The following MRTFA variants were observed in gnomAD, a reference collection of about 807,000 sequenced individuals.
The protein encoded by MRTFA is myocardin-related transcription factor A.
In MRTFA, 20 loss-of-function variants were observed where a neutral mutation model predicts 83.5. The observed-to-expected ratio is 0.24, with a 90% confidence interval of 0.17 to 0.35. MRTFA has a LOEUF of 0.35. Ranked by LOEUF, MRTFA falls within the 10% of genes least tolerant of loss-of-function variation. MRTFA has a pLI of 1.00. For missense variants in MRTFA, 1,200 were observed against 1,224.7 expected, an observed-to-expected ratio of 0.98 and a Z score of 0.30; for synonymous variants, 659 against 541.2, an observed-to-expected ratio of 1.22 and a Z score of -3.02.
At chr22:40,600,620 T>C (rs1040738771) in intron 1 of MRTFA, among the ~76,000 whole-genome samples, 6 of 152,158 alleles carry the variant, frequency 3.9e-5, no homozygotes, top group Non-Finnish European at 7.3e-5. Flanking sequence ...AGATGCAGAA[T>C]TCAACCGAAC....
intron 3 of MRTFA, among the ~76,000 whole-genome samples, chr22:40,525,409 G>C (rs2147266123): frequency 6.6e-6 from 1 of 152,192 alleles, no homozygotes; most frequent in East Asian, 1.9e-4. Flanking sequence ...AGCTGTCGGG[G>C]AGGTTTGCTT....
At chr22:40,609,380 C>T (rs56046523) in intron 1 of MRTFA, among the ~76,000 whole-genome samples, 1 of 150,014 alleles carries the variant, frequency 6.7e-6, no homozygotes, top group Admixed American at 6.7e-5. Flanking sequence ...ATTCAGGAAG[C>T]TCAGGCGGGA....
At chr22:40,510,885 T>C (rs955383001) in intron 3 of MRTFA, among the ~76,000 whole-genome samples, 2 of 152,118 alleles carry the variant, frequency 1.3e-5, no homozygotes, top group Admixed American at 6.5e-5. Flanking sequence ...GGAATATATG[T>C]GCTTTTTTTA....
intron 4 of MRTFA, among the ~76,000 whole-genome samples, chr22:40,442,142 G>A (rs1359618859): frequency 6.6e-6 from 1 of 152,154 alleles, no homozygotes; most frequent in African/African-American, 2.4e-5. Flanking sequence ...AGCAAGGAAT[G>A]ACAACAATTC....
At chr22:40,428,398 T>TA (rs1374108809) in intron 7 of MRTFA, among the ~76,000 whole-genome samples, 2 of 152,182 alleles carry the variant, frequency 1.3e-5, no homozygotes, top group Non-Finnish European at 2.9e-5. Flanking sequence ...AAGTATTCTG[T>TA]ATTGAGTGTA....
At chr22:40,417,113 G>C (rs1422619198) in intron 13 of MRTFA, 67 bp from the exon 14 acceptor site, 1 of 1,501,824 alleles carries the variant, frequency 6.7e-7, no homozygotes, top group Non-Finnish European at 9.0e-7. Flanking sequence ...CCCGAACTAC[G>C]AATGAGGCCC....
At chr22:40,522,999 C>A (rs1010054293) in intron 3 of MRTFA, 4 of 152,054 alleles carry the variant, frequency 2.6e-5, no homozygotes, top group African/African-American at 9.7e-5. Flanking sequence ...TTCTTAGCCC[C>A]CCGTCTGTTC....
intron 4 of MRTFA, among the ~76,000 whole-genome samples, chr22:40,435,938 A>C (rs1428417545): frequency 5.0e-5 from 7 of 140,040 alleles, no homozygotes; most frequent in Admixed American, 6.9e-5. Flanking sequence ...CCGTCCCCCA[A>C]AAAAAAAAAA....
chr22:40,619,226 C>G (rs1017028992), intron 1 of MRTFA, among the ~76,000 whole-genome samples: 2 of 150,912 alleles, frequency 1.3e-5, no homozygotes, highest in African/African-American at 4.9e-5. Flanking sequence ...CACTGAAAGG[C>G]TTTAAGGGCT....
At chr22:40,586,220 TAATAA>T (rs1036601722) in intron 2 of MRTFA, among the ~76,000 whole-genome samples, 2 of 147,042 alleles carry the variant, frequency 1.4e-5, no homozygotes, top group African/African-American at 5.0e-5. Flanking sequence ...ATTACATACC[TAATAA>T]AATCTTATTG....
chr22:40,618,250 A>ATT (rs1011885827), intron 1 of MRTFA, among the ~76,000 whole-genome samples: 65 of 104,104 alleles, frequency 6.2e-4, no homozygotes, highest in African/African-American at 4.0e-4. Context: ...AATTTTTTGT[A>ATT]TTTTTTTTTT....
In MRTFA at chr22:40,420,930, C is replaced by T; in HGVS notation, c.1098G>A (p.Gln366=). The T allele has an allele frequency of 6.2e-7, 1 of 1,614,194 alleles. No homozygotes were observed. The highest frequency in any genetic ancestry group is 1.1e-5 in the South Asian group (1 of 91,084). Residue 366 remains glutamine (Q), a synonymous_variant, in exon 10 of 15, where the codon CAG becomes CAA. Coordinates refer to ENST00000355630, the MANE Select transcript of MRTFA (RefSeq NM_020831.6). The stretch of plus-strand genomic sequence containing the variant: ...GGATCTGCAGCTGGAGGAAGAGCTG[C>T]TGCTGCTGCAGGATCTTGGCGTAGG...
chr22:40,514,187 T>A (rs767387976), intron 3 of MRTFA, among the ~76,000 whole-genome samples: 12 of 150,824 alleles, frequency 8.0e-5, no homozygotes, highest in Admixed American at 2.0e-4. Flanking sequence ...TGAACCCAGG[T>A]TGGCAGTGAG....
At chr22:40,442,664 G>C (rs1394870232) in intron 4 of MRTFA, among the ~76,000 whole-genome samples, 1 of 151,992 alleles carries the variant, frequency 6.6e-6, no homozygotes, top group African/African-American at 2.4e-5. Flanking sequence ...GGGGAAAAGA[G>C]ACAAATATAA....
chr22:40,457,497 A>AGAAG, intron 4 of MRTFA, among the ~76,000 whole-genome samples: 4 of 142,202 alleles, frequency 2.8e-5, no homozygotes, highest in African/African-American at 7.6e-5. Context: ...AAGGAAAGAA[A>AGAAG]GAAAGAGAAA....
intron 4 of MRTFA, among the ~76,000 whole-genome samples, chr22:40,444,807 C>T (rs1253241660): frequency 6.6e-6 from 1 of 152,100 alleles, no homozygotes; most frequent in Admixed American, 6.5e-5. Flanking sequence ...GTGGCTCACA[C>T]CTGTAACCCC....
chr22:40,463,295 C>T lies in MRTFA; in HGVS notation c.242-9G>A. 6.2e-7 allele frequency: 1 copy of T among 1,613,512 alleles called. No homozygotes were observed. On this transcript the variant is annotated splice_polypyrimidine_tract_variant and intron_variant, in intron 3 of 14. Coordinates refer to ENST00000355630, the MANE Select transcript of MRTFA (RefSeq NM_020831.6). ...GAGTTTCAACTGTAGCACTGCAGGG[C>T]AGCAGAGAGAGAGGAGAGATGAGGG...
chr22:40,575,538 A>G (rs2055855186), intron 2 of MRTFA, among the ~76,000 whole-genome samples: 3 of 152,212 alleles, frequency 2.0e-5, no homozygotes, highest in South Asian at 4.1e-4. Flanking sequence ...GTATATGTTA[A>G]AAGACACACT....
chr22:40,434,172 G>C (rs2053122840), intron 5 of MRTFA, among the ~76,000 whole-genome samples: 1 of 152,170 alleles, frequency 6.6e-6, no homozygotes, highest in African/African-American at 2.4e-5. Flanking sequence ...TTGAGAAGCA[G>C]TCAAGTAAAT....
Sources: allele counts gnomAD v4.1 joint callset (sites outside exome capture counted in the v4.1 genomes callset), GRCh38; gene constraint gnomAD v4.1.1; transcripts MANE v1.5; gene names NCBI Gene and HGNC (gene_info 2026-07-23, HGNC 2026-07-21).